DYRK1A: variants seen among roughly 807,000 people sequenced by gnomAD.
DYRK1A encodes the protein dual specificity tyrosine-phosphorylation-regulated kinase 1A.
A neutral mutation model predicts 79.7 loss-of-function variants in DYRK1A; 9 were observed. The ratio of observed to expected loss-of-function variants is 0.11; its 90% CI spans 0.07 to 0.20. DYRK1A has a LOEUF of 0.20. DYRK1A is among the 10% of genes least tolerant of loss of function. The pLI is 1.00. For missense variants in DYRK1A, 622 were observed against 956.0 expected, an observed-to-expected ratio of 0.65 and a Z score of 4.61; for synonymous variants, 349 against 329.7, an observed-to-expected ratio of 1.06 and a Z score of -0.63.
chr21:37,460,883 C>T (rs1454614171), intron 2 of DYRK1A, among the ~76,000 whole-genome samples: 1 of 151,932 alleles, frequency 6.6e-6, no homozygotes, highest in African/African-American at 2.4e-5. Flanking sequence ...TAAATTTACC[C>T]ATATTATATG....
At chr21:37,402,725 C>T (rs2050075531) in intron 1 of DYRK1A, among the ~76,000 whole-genome samples, 2 of 151,510 alleles carry the variant, frequency 1.3e-5, no homozygotes, top group African/African-American at 2.4e-5. Flanking sequence ...TCTTTTTTCT[C>T]TCTCTTCTTT....
chr21:37,512,164 C>T lies in DYRK1A; in HGVS notation c.1898C>T (p.Thr633Ile), dbSNP rs2053771529. The T allele has an allele frequency of 6.2e-7, 1 of 1,614,206 alleles. No individual in the cohort carries two copies. Among genetic ancestry groups the T allele is most frequent in the Non-Finnish European group, 8.5e-7 (1 of 1,180,032 alleles). The change falls in exon 12 of 12, where the codon ACC becomes ATC. Residue 633 changes from threonine (T) to isoleucine (I), a missense_variant. Transcript: ENST00000647188. ...AATTCTCCAACGAATAGCTCCTCTA[C>T]CCAAGATTCTATGGAGGTTGGCCAC... is the stretch of plus-strand genomic sequence containing the variant. Reference protein sequence around the residue: ...VYNSPTNSSSTQDSMEVGHSH... With the variant: ...VYNSPTNSSSIQDSMEVGHSH...
At chr21:37,421,400 G>C (rs62222275) in intron 2 of DYRK1A, among the ~76,000 whole-genome samples, 1 of 152,014 alleles carries the variant, frequency 6.6e-6, no homozygotes, top group African/African-American at 2.4e-5. Context: ...GTACTATTTT[G>C]TATGAAGAAA....
At chr21:37,426,942 A>T (rs2050642459) in intron 2 of DYRK1A, among the ~76,000 whole-genome samples, 3 of 150,488 alleles carry the variant, frequency 2.0e-5, no homozygotes. Flanking sequence ...AAAAGAGATG[A>T]ATAACCAAGA....
intron 2 of DYRK1A, among the ~76,000 whole-genome samples, chr21:37,470,169 G>A (rs1158377973): frequency 4.0e-5 from 6 of 151,884 alleles, no homozygotes; most frequent in Admixed American, 2.6e-4. Flanking sequence ...AAAACAAATC[G>A]GGTTTTGGAG....
At chr21:37,496,379 C>G (rs757386420) in intron 9 of DYRK1A, 121 bp downstream of exon 9, 4 of 959,490 alleles carry the variant, frequency 4.2e-6, no homozygotes, top group Non-Finnish European at 6.2e-6. Context: ...TTTATTGATA[C>G]CTTACATAGA....
At chr21:37,511,508 G>A (rs2053748238) in intron 11 of DYRK1A, among the ~76,000 whole-genome samples, 1 of 152,174 alleles carries the variant, frequency 6.6e-6, no homozygotes, top group Admixed American at 6.5e-5. Flanking sequence ...TAGGTAGATA[G>A]TAGTCCTTTA....
At chr21:37,477,806 T>C (rs946203187) in intron 3 of DYRK1A, among the ~76,000 whole-genome samples, 53 of 152,294 alleles carry the variant, frequency 3.5e-4, no homozygotes, top group African/African-American at 1.1e-3. Context: ...GGTTTATCTT[T>C]GTCTGCTAGT....
intron 1 of DYRK1A, among the ~76,000 whole-genome samples, chr21:37,408,391 C>T (rs1313212163): frequency 1.3e-5 from 2 of 152,188 alleles, no homozygotes; most frequent in Non-Finnish European, 2.9e-5. Context: ...ACGTCCCTAG[C>T]CTCTTGGCTT....
chr21:37,517,437 T>G lies in DYRK1A; in HGVS notation c.*4906T>G, dbSNP rs952707902. 6.6e-6 allele frequency: 1 copy of G among 152,228 alleles called. No individual in the cohort carries two copies. The highest frequency in any genetic ancestry group is 2.4e-5 in the African/African-American group (1 of 41,458). 9.4% of individuals were successfully genotyped at this position (152,228 alleles called of 1,614,324 possible). A position where few individuals can be genotyped will look rare whatever the true frequency, so the allele number is the denominator to read the frequency against. ...TATTTGATAATCTTCCCGATTAAAT[T>G]TCTAAAATTGCTACTTTGGGAATTT... is the stretch of plus-strand genomic sequence containing the variant. On this transcript the variant is annotated 3_prime_UTR_variant, in exon 12 of 12. Coordinates refer to ENST00000647188, the MANE Select transcript of DYRK1A (RefSeq NM_001347721.2).
At chr21:37,379,049 T>C (rs1452765880) in intron 1 of DYRK1A, among the ~76,000 whole-genome samples, 1 of 151,924 alleles carries the variant, frequency 6.6e-6, no homozygotes, top group Non-Finnish European at 1.5e-5. Flanking sequence ...CCCTGGAGCA[T>C]CAGATGAGGG....
chr21:37,369,719 T>A (rs1404747371), intron 1 of DYRK1A, among the ~76,000 whole-genome samples: 1 of 152,200 alleles, frequency 6.6e-6, no homozygotes, highest in Non-Finnish European at 1.5e-5. Flanking sequence ...GAAAAAATAT[T>A]TGAAGGAATA....
chr21:37,409,020 G>T (rs1296750506), intron 1 of DYRK1A, among the ~76,000 whole-genome samples: 1 of 152,146 alleles, frequency 6.6e-6, no homozygotes. Context: ...TGTGTGGTGG[G>T]AAGCTCTGGG....
chr21:37,392,812 G>T (rs1426565368), intron 1 of DYRK1A, among the ~76,000 whole-genome samples: 1 of 152,232 alleles, frequency 6.6e-6, no homozygotes, highest in Non-Finnish European at 1.5e-5. Flanking sequence ...TGGAGGATGG[G>T]AAGTCCAAGA....
intron 1 of DYRK1A, among the ~76,000 whole-genome samples, chr21:37,399,769 A>G (rs1415813434): frequency 1.3e-5 from 2 of 152,196 alleles, no homozygotes. Context: ...GAGACTGTAC[A>G]TCATTCCAAA....
intron 1 of DYRK1A, among the ~76,000 whole-genome samples, chr21:37,386,263 A>G (rs562677511): frequency 6.6e-6 from 1 of 152,278 alleles, no homozygotes; most frequent in African/African-American, 2.4e-5. Context: ...TGCACAATAA[A>G]TGTAGTGCGC....
Position 37,472,829 on chromosome 21 carries a change from G to A in DYRK1A, c.156G>A (p.Gln52=), listed in dbSNP as rs1248202604. 3 of 1,607,460 alleles carry A rather than the reference G, an allele frequency of 1.9e-6. No individual in the cohort carries two copies. The highest frequency in any genetic ancestry group is 2.7e-5 in the African/African-American group (2 of 74,746). Reference sequence around the variant, plus strand: ...GCCAGCCAAACATAAGTGACCAACAGGTTTCTGCCTTATCATATTCTGACC... The same window carrying A: ...GCCAGCCAAACATAAGTGACCAACAAGTTTCTGCCTTATCATATTCTGACC... ...DRRQPNISDQ[Q]VSALSYSDQI... Residue 52 remains glutamine (Q), a synonymous_variant, in exon 3 of 12, where the codon CAG becomes CAA. Transcript: ENST00000647188.
At chr21:37,457,494 C>T (rs1341808311) in intron 2 of DYRK1A, among the ~76,000 whole-genome samples, 2 of 152,200 alleles carry the variant, frequency 1.3e-5, no homozygotes, top group South Asian at 2.1e-4. Context: ...GCCTCAGCCT[C>T]CCAAAGTGCT....
At chr21:37,444,634 G>A (rs1209925183) in intron 2 of DYRK1A, among the ~76,000 whole-genome samples, 1 of 152,172 alleles carries the variant, frequency 6.6e-6, no homozygotes, top group Admixed American at 6.5e-5. Context: ...TCATGGGTGA[G>A]GATGAAGCAT....
Sources: gnomAD v4.1 joint callset for allele counts (sites outside exome capture counted in the v4.1 genomes callset) on GRCh38, gnomAD v4.1.1 for gene constraint, MANE v1.5 for transcripts, NCBI Gene and HGNC (gene_info 2026-07-23, HGNC 2026-07-21) for gene names.